ZFYVE9: variants seen among roughly 807,000 people sequenced by gnomAD.
ZFYVE9 encodes the protein zinc finger FYVE domain-containing protein 9.
Under a neutral mutation model 126.7 loss-of-function variants are expected in ZFYVE9, and 43 were observed. The observed-to-expected ratio is 0.34, with a 90% CI of 0.27 to 0.44. The LOEUF (loss-of-function observed/expected upper bound fraction) is 0.44. ZFYVE9 is among the 20% of genes least tolerant of loss of function. ZFYVE9 has a pLI of 1.00. For synonymous variants in ZFYVE9, 521 were observed against 597.4 expected, an observed-to-expected ratio of 0.87 and a Z score of 1.87; for missense variants, 1,476 against 1,697.0, an observed-to-expected ratio of 0.87 and a Z score of 2.29.
At chr1:52,195,792 C>CT (rs113179670) in intron 1 of ZFYVE9, among the ~76,000 whole-genome samples, 6,850 of 144,552 alleles carry the variant, frequency 0.047, 396 homozygotes, top group African/African-American at 0.14. Flanking sequence ...TCAGTATAGT[C>CT]TTTTTTTTTT....
At position 52,263,759 on chromosome 1, in the gene ZFYVE9, C is replaced by CCA; in HGVS notation, c.2179-13_2179-12insAC. The stretch of plus-strand genomic sequence containing the variant: ...AGTAAATTTTGTGTGTTCTTCCCCC[C>CCA]CCCCCCCCCACAGGTTTTCTGTGCT... On this transcript the variant is annotated splice_polypyrimidine_tract_variant and intron_variant, in intron 4 of 18. Transcript: ENST00000287727. The CCA allele has an allele frequency of 1.4e-6, 1 of 734,588 alleles. No homozygotes were observed. The highest frequency in any genetic ancestry group is 2.0e-5 in the South Asian group (1 of 49,624). 45.5% of individuals were successfully genotyped at this position (734,588 alleles called of 1,614,324 possible).
At chr1:52,299,422 T>C (rs1380263419) in intron 12 of ZFYVE9, among the ~76,000 whole-genome samples, 1 of 152,224 alleles carries the variant, frequency 6.6e-6, no homozygotes, top group African/African-American at 2.4e-5. Flanking sequence ...GCCTAAGTGC[T>C]CTGGCTAGGA....
chr1:52,334,278 C>G (rs992411587), intron 14 of ZFYVE9, among the ~76,000 whole-genome samples: 1 of 152,078 alleles, frequency 6.6e-6, no homozygotes, highest in Non-Finnish European at 1.5e-5. Flanking sequence ...AACAACTATT[C>G]GGCTCTAGTA....
chr1:52,171,301 C>G (rs991893491), intron 1 of ZFYVE9, among the ~76,000 whole-genome samples: 2 of 152,148 alleles, frequency 1.3e-5, no homozygotes, highest in African/African-American at 4.8e-5. Context: ...TTTCCAATTT[C>G]ATCCATGTCC....
chr1:52,340,502 A>T (rs573206023), intron 17 of ZFYVE9, among the ~76,000 whole-genome samples: 1 of 151,926 alleles, frequency 6.6e-6, no homozygotes, highest in Admixed American at 6.6e-5. Context: ...TCTGAGTGGT[A>T]CATTCCATCT....
chr1:52,252,206 A>C (rs551624722), intron 4 of ZFYVE9: 1 of 155,126 alleles, frequency 6.4e-6, no homozygotes, highest in Admixed American at 6.5e-5. Context: ...GCTTACAGCT[A>C]CTATTAATGC....
At chr1:52,220,046 G>A (rs1007333945) in intron 2 of ZFYVE9, among the ~76,000 whole-genome samples, 3 of 152,082 alleles carry the variant, frequency 2.0e-5, no homozygotes, top group African/African-American at 7.2e-5. Flanking sequence ...AAAGTGCTGG[G>A]ATTACAGGTG....
At position 52,274,491 on chromosome 1, in the gene ZFYVE9, A is replaced by C; in HGVS notation, c.2653A>C (p.Ile885Leu). The C allele has an allele frequency of 1.9e-6, 3 of 1,611,920 alleles. No homozygotes were observed. The highest frequency in any genetic ancestry group is 2.5e-6 in the Non-Finnish European group (3 of 1,178,548). The change falls in exon 8 of 19, where the codon ATA becomes CTA. Residue 885 changes from isoleucine (I) to leucine (L), a missense_variant. Physicochemically the swap from Ile to Leu is conservative, Grantham distance 5. Around this residue, in one of 2 missense-constraint regions of ZFYVE9, gnomAD observed 669 missense variants for 902.4 expected, o/e 0.74. Coordinates refer to ENST00000287727, the MANE Select transcript of ZFYVE9 (RefSeq NM_004799.4). ...ETDICLFSGS[I>L]TQVGSPVGSA... ...GGATATTTGTCTATTCTCTGGGAGT[A>C]TAACTCAGGTTGGAAGTCCTGTTGG...
At position 52,239,394 on chromosome 1, in the gene ZFYVE9, A is replaced by G; in HGVS notation, c.1977A>G (p.Arg659=). The G allele has an allele frequency of 1.2e-6, 2 of 1,614,184 alleles. No homozygotes were observed. The highest frequency in any genetic ancestry group is 1.1e-5 in the South Asian group (1 of 91,088). Residue 659 remains arginine, a synonymous_variant, in exon 4 of 19, where the codon AGA becomes AGG. Transcript: ENST00000287727. ...LESYEAEIST[R]PCLALAPDSP... ...GTTATGAGGCTGAGATCTCCACTAGACCATGCCTTGCATTAGCTCCAGATA... is the reference window on the plus strand; with the variant it reads ...GTTATGAGGCTGAGATCTCCACTAGGCCATGCCTTGCATTAGCTCCAGATA...
At chr1:52,163,823 A>G (rs1430526563) in intron 1 of ZFYVE9, among the ~76,000 whole-genome samples, 1 of 152,304 alleles carries the variant, frequency 6.6e-6, no homozygotes, top group East Asian at 1.9e-4. Flanking sequence ...TTAAAAAAAA[A>G]AAAGTTAAAT....
At chr1:52,284,738 G>A (rs1244313784) in intron 10 of ZFYVE9, among the ~76,000 whole-genome samples, 1 of 152,008 alleles carries the variant, frequency 6.6e-6, no homozygotes, top group Non-Finnish European at 1.5e-5. Context: ...TTTTTAAAAA[G>A]GATACTTATA....
intron 13 of ZFYVE9, among the ~76,000 whole-genome samples, chr1:52,320,032 G>A (rs1306636424): frequency 8.4e-6 from 1 of 118,378 alleles, no homozygotes; most frequent in African/African-American, 3.0e-5. Flanking sequence ...AAAAAAAAAA[G>A]AGAAAAAGAA....
intron 10 of ZFYVE9, among the ~76,000 whole-genome samples, chr1:52,290,836 G>T (rs1052445894): frequency 1.3e-5 from 2 of 152,060 alleles, no homozygotes; most frequent in Non-Finnish European, 2.9e-5. Context: ...CAGTGTTGCT[G>T]GTCCTGTTAG....
intron 6 of ZFYVE9, among the ~76,000 whole-genome samples, chr1:52,267,773 G>T (rs1645648180): frequency 6.6e-6 from 1 of 151,818 alleles, no homozygotes; most frequent in African/African-American, 2.4e-5. Context: ...GTGTGTTTTG[G>T]CTGTTTGAAT....
intron 13 of ZFYVE9, among the ~76,000 whole-genome samples, chr1:52,312,782 C>G (rs942370025): frequency 6.6e-6 from 1 of 152,144 alleles, no homozygotes; most frequent in African/African-American, 2.4e-5. Context: ...AATTTATTAT[C>G]TTTCACTTTT....
In ZFYVE9 at chr1:52,294,630, T is replaced by G. The variant is rs1014145471; in HGVS notation, c.3250+953T>G. ...TTGTATTAAAACCTGTGCTCAAAGT[T>G]AAGTTCATTGGGAGCTCCAAGACAG... is the stretch of plus-strand genomic sequence containing the variant. On this transcript the variant is annotated intron_variant, in intron 11 of 18. Coordinates refer to ENST00000287727, the MANE Select transcript of ZFYVE9 (RefSeq NM_004799.4). 2.0e-5 allele frequency among the ~76,000 whole-genome samples: 3 copies of G among 152,180 alleles called. No individual in the cohort carries two copies. In the South Asian group the frequency reaches 6.2e-4, roughly 32 times the overall value.
chr1:52,164,460 C>T (rs1368891868), intron 1 of ZFYVE9, among the ~76,000 whole-genome samples: 6 of 152,076 alleles, frequency 3.9e-5, no homozygotes, highest in South Asian at 2.1e-4. Flanking sequence ...GTAATCCACC[C>T]GCCTCGGACT....
intron 1 of ZFYVE9, among the ~76,000 whole-genome samples, chr1:52,163,309 C>T: frequency 6.6e-6 from 1 of 152,172 alleles, no homozygotes; most frequent in East Asian, 1.9e-4. Flanking sequence ...AAGTTGTTCT[C>T]CTCTACATCA....
intron 1 of ZFYVE9, among the ~76,000 whole-genome samples, chr1:52,156,386 A>G (rs1644403700): frequency 1.3e-5 from 2 of 152,168 alleles, no homozygotes; most frequent in African/African-American, 4.8e-5. Flanking sequence ...TATAGGGACT[A>G]CTGCCCTTGA....
Sources: allele counts gnomAD v4.1 joint callset (sites outside exome capture counted in the v4.1 genomes callset), GRCh38; gene constraint gnomAD v4.1.1; regional missense constraint gnomAD v4.1.1; transcripts MANE v1.5; gene names NCBI Gene and HGNC (gene_info 2026-07-23, HGNC 2026-07-21).